Variants in SORCS1 observed in about 807,000 individuals in gnomAD.
The protein encoded by SORCS1 is sortilin related VPS10 domain containing receptor 1, also known as VPS10 domain-containing receptor SorCS1.
SORCS1 carries 60 observed loss-of-function variants against 146.1 expected under a neutral mutation model. That is an observed-to-expected ratio of 0.41 (90% CI 0.33 to 0.51). The LOEUF (loss-of-function observed/expected upper bound fraction) is 0.51, where lower values mean the gene tolerates loss of function less well. SORCS1 is among the 20% of genes least tolerant of loss of function. SORCS1 has a pLI of 0.21. For synonymous variants in SORCS1, 637 were observed against 584.0 expected (o/e 1.09, Z -1.31); for missense variants, 1,352 against 1,487.6 (o/e 0.91, Z 1.50).
chr10:107,153,122 C>T (rs898391584), intron 1 of SORCS1, among the ~76,000 whole-genome samples: 15 of 151,714 alleles, frequency 9.9e-5, no homozygotes, highest in Non-Finnish European at 2.9e-5. Flanking sequence ...CTCTCTTATT[C>T]ATTTTCTGTC....
intron 14 of SORCS1, among the ~76,000 whole-genome samples, chr10:106,674,016 T>C (rs1432134615): frequency 1.3e-5 from 2 of 151,834 alleles, no homozygotes; most frequent in Non-Finnish European, 2.9e-5. Context: ...TTTTCTACCA[T>C]TAAAAAGCAG....
chr10:107,171,392 T>C, the SORCS1 span, among the ~76,000 whole-genome samples: 1 of 152,230 alleles, frequency 6.6e-6, no homozygotes, highest in Admixed American at 6.5e-5. Flanking sequence ...TCAATCTGCA[T>C]CTTTGCAAGC....
At chr10:106,634,176 G>A (rs1184960968) in intron 18 of SORCS1, among the ~76,000 whole-genome samples, 2 of 152,298 alleles carry the variant, frequency 1.3e-5, no homozygotes, top group East Asian at 3.9e-4. Context: ...GCCAAGATTA[G>A]CAAACTTCGC....
chr10:107,130,309 T>C (rs972170568), intron 1 of SORCS1, among the ~76,000 whole-genome samples: 1 of 152,248 alleles, frequency 6.6e-6, no homozygotes, highest in African/African-American at 2.4e-5. Flanking sequence ...ACAAGTGGAC[T>C]CTGCTATACA....
intron 2 of SORCS1, among the ~76,000 whole-genome samples, chr10:106,876,991 A>C (rs1950610620): frequency 1.3e-5 from 2 of 152,204 alleles, no homozygotes; most frequent in African/African-American, 2.4e-5. Context: ...TCCTTTGTAA[A>C]GTGCCTAGCA....
chr10:106,756,231 A>T (rs990115658), intron 5 of SORCS1, among the ~76,000 whole-genome samples: 49 of 152,220 alleles, frequency 3.2e-4, no homozygotes, highest in African/African-American at 1.1e-3. Flanking sequence ...ACAAAGAAAA[A>T]CAAAACTAAT....
intron 18 of SORCS1, among the ~76,000 whole-genome samples, chr10:106,651,863 A>G (rs572503006): frequency 2.0e-5 from 3 of 152,344 alleles, no homozygotes; most frequent in East Asian, 3.9e-4. Context: ...TATGCTTTTA[A>G]TGATATCCCT....
chr10:107,049,417 A>T (rs941419286), intron 1 of SORCS1, among the ~76,000 whole-genome samples: 1 of 152,016 alleles, frequency 6.6e-6, no homozygotes, highest in African/African-American at 2.4e-5. Context: ...CTTAAGGTAT[A>T]ATAAAAAAAA....
chr10:107,040,913 T>A (rs1361673078), intron 1 of SORCS1, among the ~76,000 whole-genome samples: 1 of 152,130 alleles, frequency 6.6e-6, no homozygotes, highest in Non-Finnish European at 1.5e-5. Flanking sequence ...AGAAATAATC[T>A]CATACACAGC....
chr10:107,135,318 G>A (rs1484211976), intron 1 of SORCS1, among the ~76,000 whole-genome samples: 2 of 152,220 alleles, frequency 1.3e-5, no homozygotes, highest in African/African-American at 4.8e-5. Context: ...ACTGAGCACA[G>A]TGCTTTGCAC....
At chr10:107,176,972 G>A in the SORCS1 span, among the ~76,000 whole-genome samples, 3 of 152,018 alleles carry the variant, frequency 2.0e-5, no homozygotes, top group Non-Finnish European at 4.4e-5. Flanking sequence ...TCAATCATAT[G>A]TGTGTGTTTC....
chr10:106,648,177 C>CTAT (rs1271101130), intron 18 of SORCS1, among the ~76,000 whole-genome samples: 1 of 151,604 alleles, frequency 6.6e-6, no homozygotes, highest in African/African-American at 2.4e-5. Flanking sequence ...TATTTGTTTT[C>CTAT]TATTTGTCTC....
chr10:106,655,745 C>A (rs1473208404), intron 17 of SORCS1, among the ~76,000 whole-genome samples: 1 of 152,126 alleles, frequency 6.6e-6, no homozygotes, highest in Non-Finnish European at 1.5e-5. Context: ...CCCTACCAGA[C>A]CTGTCCCTGA....
chr10:106,706,498 G>C (rs868344958), intron 8 of SORCS1, 47 bp downstream of exon 8: 3 of 1,573,998 alleles, frequency 1.9e-6, no homozygotes, highest in Non-Finnish European at 1.7e-6. Flanking sequence ...GCTGGCTTCT[G>C]TGAATGAGAG....
At chr10:106,995,262 C>T (rs540472056) in intron 1 of SORCS1, among the ~76,000 whole-genome samples, 4 of 149,232 alleles carry the variant, frequency 2.7e-5, no homozygotes, top group Non-Finnish European at 4.4e-5. Context: ...AGCAGTGAGC[C>T]GAGATCGCAC....
At chr10:106,946,845 A>G (rs1322872620) in intron 2 of SORCS1, among the ~76,000 whole-genome samples, 1 of 152,212 alleles carries the variant, frequency 6.6e-6, no homozygotes, top group African/African-American at 2.4e-5. Context: ...CCCACTGACT[A>G]TCTAGTACAC....
rs143645417 is a variant in SORCS1 at position 106,637,078 on chromosome 10, G to C, written c.2476-7690C>G. Among the ~76,000 whole-genome samples the C allele has an allele frequency of 2.6e-5, 4 of 152,240 alleles. No individual in the cohort carries two copies. The East Asian group carries it at 7.7e-4, about 29-fold the overall frequency. On this transcript the variant is annotated intron_variant, in intron 18 of 25. Transcript: ENST00000263054. ...GGTTTGTGAGGATTCCTGGTAGTGT[G>C]AGTGTTTGACAAAGTCTGAGATGAC...
Position 106,967,090 on chromosome 10 carries a change from C to T in SORCS1, c.559-10510G>A, listed in dbSNP as rs187941818. The stretch of plus-strand genomic sequence containing the variant: ...ACCTTTGACAGGTTCTTCTATTTCC[C>T]AAGTTCAGAGATGCTATCCACTCAA... On this transcript the variant is annotated intron_variant, in intron 1 of 25. Coordinates refer to ENST00000263054, the MANE Select transcript of SORCS1 (RefSeq NM_052918.5). 4.9e-5 allele frequency among the ~76,000 whole-genome samples: 7 copies of T among 144,220 alleles called. No individual in the cohort carries two copies. In the East Asian group the frequency reaches 1.2e-3, roughly 25 times the overall value. 94.6% of individuals were successfully genotyped at this position (144,220 alleles called of 152,430 possible).
Position 106,960,641 on chromosome 10 carries a change from T to TCAGCCTC in SORCS1, c.559-4062_559-4061insGAGGCTG, listed in dbSNP as rs1955180255. Among the ~76,000 whole-genome samples the TCAGCCTC allele has an allele frequency of 6.6e-6, 1 of 152,146 alleles. No individual in the cohort carries two copies. Among genetic ancestry groups the TCAGCCTC allele is most frequent in the East Asian group, 1.9e-4 (1 of 5,170 alleles). On this transcript the variant is annotated intron_variant, in intron 1 of 25. Coordinates refer to ENST00000263054, the MANE Select transcript of SORCS1 (RefSeq NM_052918.5). The surrounding 1 kb of genome is among the most constrained non-coding windows in gnomAD (Gnocchi z 4.4). ...TGGTCTCGATCTCTTGACCTCGTGA[T>TCAGCCTC]CCACCTGACTCAGCCTCCCAAAGTG...
Sources: allele counts gnomAD v4.1 joint callset (sites outside exome capture counted in the v4.1 genomes callset), GRCh38; gene constraint gnomAD v4.1.1; non-coding constraint Gnocchi (gnomAD v3.1); transcripts MANE v1.5; gene names NCBI Gene and HGNC (gene_info 2026-07-23, HGNC 2026-07-21).